Variants in KPNA3 observed in about 807,000 individuals in gnomAD.
KPNA3 encodes karyopherin subunit alpha 3.
Under a neutral mutation model 73.8 loss-of-function variants are expected in KPNA3, and 13 were observed. The ratio of observed to expected loss-of-function variants is 0.18; its 90% CI spans 0.11 to 0.28. The LOEUF is 0.28. Among genes scored for constraint, KPNA3 ranks in the 10% least tolerant of loss-of-function variants. The probability of loss-of-function intolerance (pLI) is 1.00; values close to 1 mark genes in which losing one functional copy is unlikely to be tolerated. For missense variants in KPNA3, 360 were observed against 618.1 expected (o/e 0.58, Z 4.43); for synonymous variants, 186 against 206.9 (o/e 0.90, Z 0.87).
chr13:49,719,565 A>C (rs78139513), intron 10 of KPNA3, among the ~76,000 whole-genome samples: 1,841 of 152,296 alleles, frequency 0.012, 33 homozygotes, highest in African/African-American at 0.042. Flanking sequence ...ATATGCAGTA[A>C]TTTCTCAAAA....
intron 1 of KPNA3, among the ~76,000 whole-genome samples, chr13:49,791,714 CG>C (rs3215726): frequency 0.12 from 18,261 of 152,214 alleles, 2,175 homozygotes; most frequent in East Asian, 0.58. Flanking sequence ...ACCTCTTTTC[CG>C]AAGCCTGAAC....
intron 1 of KPNA3, among the ~76,000 whole-genome samples, chr13:49,747,348 A>C (rs1298417457): frequency 6.6e-6 from 1 of 152,036 alleles, no homozygotes; most frequent in Non-Finnish European, 1.5e-5. Context: ...CTGCATCTCA[A>C]AAAAAAGAAG....
intron 15 of KPNA3, among the ~76,000 whole-genome samples, chr13:49,702,705 G>A (rs933358517): frequency 2.6e-5 from 4 of 151,998 alleles, no homozygotes; most frequent in South Asian, 2.1e-4. Context: ...TGAGGTACCC[G>A]GATCCCTGAG....
At chr13:49,710,808 T>G (rs374337536) in intron 11 of KPNA3, 83 bp downstream of exon 11, 39 of 1,214,176 alleles carry the variant, frequency 3.2e-5, no homozygotes, top group African/African-American at 7.6e-5. Flanking sequence ...CACTTACAGA[T>G]AGAATTAAAG....
intron 1 of KPNA3, among the ~76,000 whole-genome samples, chr13:49,770,849 A>G (rs996080052): frequency 1.4e-4 from 21 of 148,034 alleles, no homozygotes; most frequent in Non-Finnish European, 1.6e-4. Context: ...AAAAAAAAAA[A>G]AAAGAAAAGA....
chr13:49,722,135 GA>G lies in KPNA3; in HGVS notation c.557-12del. ...ATTGAGGACCATCACCTACAGAAATGAAAATTATATTTAAAAAAAACTTACA... is the reference window on the plus strand; with the variant it reads ...ATTGAGGACCATCACCTACAGAAATGAAATTATATTTAAAAAAAACTTACA... On this transcript the variant is annotated splice_polypyrimidine_tract_variant and intron_variant, in intron 8 of 16. Coordinates refer to ENST00000261667, the MANE Select transcript of KPNA3 (RefSeq NM_002267.4). 1 of 1,501,342 alleles carries G rather than the reference GA, an allele frequency of 6.7e-7. No homozygotes were observed. Among genetic ancestry groups the G allele is most frequent in the South Asian group, 1.4e-5 (1 of 71,054 alleles). The allele number at this position is 1,501,342 out of a possible 1,614,324, so 93.0% of individuals were successfully genotyped here.
At chr13:49,725,013 C>T (rs942412236) in intron 7 of KPNA3, among the ~76,000 whole-genome samples, 1 of 152,186 alleles carries the variant, frequency 6.6e-6, no homozygotes, top group African/African-American at 2.4e-5. Flanking sequence ...ACTATAATAA[C>T]GTACGTGGTG....
At chr13:49,783,167 A>G (rs1240711140) in intron 1 of KPNA3, among the ~76,000 whole-genome samples, 3 of 152,156 alleles carry the variant, frequency 2.0e-5, no homozygotes, top group Non-Finnish European at 4.4e-5. Flanking sequence ...AACCAAGAAA[A>G]CAACTAAATT....
chr13:49,727,112 C>A (rs1312290462), intron 6 of KPNA3, among the ~76,000 whole-genome samples: 5 of 151,832 alleles, frequency 3.3e-5, no homozygotes, highest in Admixed American at 2.0e-4. Context: ...TGAAGAAAAG[C>A]CTATAAACAG....
At chr13:49,770,977 G>C (rs928912509) in intron 1 of KPNA3, among the ~76,000 whole-genome samples, 4 of 151,724 alleles carry the variant, frequency 2.6e-5, no homozygotes, top group African/African-American at 7.3e-5. Context: ...AATTACTATA[G>C]GTTTGCTTGT....
chr13:49,730,275 G>A (rs558450135), intron 6 of KPNA3, among the ~76,000 whole-genome samples: 1 of 152,244 alleles, frequency 6.6e-6, no homozygotes, highest in South Asian at 2.1e-4. Context: ...GCTCATGCCT[G>A]TAATGTCTGC....
chr13:49,725,528 T>G (rs1241295028), intron 6 of KPNA3, 27 bp from the exon 7 acceptor site: 2 of 1,394,318 alleles, frequency 1.4e-6, no homozygotes, highest in Admixed American at 1.7e-5. Context: ...ACACATCTTT[T>G]TAGACACATA....
rs183771270 is a variant in KPNA3 at position 49,779,553 on chromosome 13, A to G, written c.69+12885T>C. 1.5e-3 allele frequency among the ~76,000 whole-genome samples: 231 copies of G among 152,258 alleles called. 1 individual carries two copies. Among genetic ancestry groups the G allele is most frequent in the African/African-American group, 5.1e-3 (212 of 41,536 alleles). ...CTCCCTACTTACTCTATCTAGGCTC[A>G]GTCGTTTGTTCCTTTTCTAACCAAG... On this transcript the variant is annotated intron_variant, in intron 1 of 16. Coordinates refer to ENST00000261667, the MANE Select transcript of KPNA3 (RefSeq NM_002267.4).
intron 9 of KPNA3, among the ~76,000 whole-genome samples, chr13:49,720,202 A>C (rs1269902798): frequency 6.6e-6 from 1 of 152,222 alleles, no homozygotes; most frequent in African/African-American, 2.4e-5. Context: ...AACTGCCGTA[A>C]TTGTCTCACT....
intron 2 of KPNA3, among the ~76,000 whole-genome samples, chr13:49,744,739 C>T (rs1478957931): frequency 2.0e-5 from 3 of 152,186 alleles, no homozygotes; most frequent in East Asian, 3.9e-4. Context: ...TAAATATATA[C>T]TACAACTCTT....
chr13:49,708,572 T>C (rs1438152073), intron 12 of KPNA3, among the ~76,000 whole-genome samples: 1 of 152,196 alleles, frequency 6.6e-6, no homozygotes, highest in Non-Finnish European at 1.5e-5. Flanking sequence ...GGTATTTGTA[T>C]GCCAATGTTC....
rs756881293 is a variant in KPNA3 at position 49,722,593 on chromosome 13, T to TAG, written c.470-32_470-31dup. ...AATAAAGAAAAACTAATATTTATAC[T>TAG]AGCAACATGTTGAAGAGTTTACAGA... On this transcript the variant is annotated intron_variant, in intron 7 of 16. Coordinates refer to ENST00000261667, the MANE Select transcript of KPNA3 (RefSeq NM_002267.4). The TAG allele has an allele frequency of 3.0e-6, 4 of 1,343,098 alleles. No individual in the cohort carries two copies. The Admixed American group carries it at 7.2e-5, about 24-fold the overall frequency. The allele number at this position is 1,343,098 out of a possible 1,614,324, so 83.2% of individuals were successfully genotyped here.
intron 2 of KPNA3, among the ~76,000 whole-genome samples, chr13:49,734,157 T>C (rs1429244853): frequency 1.3e-5 from 2 of 152,230 alleles, no homozygotes; most frequent in East Asian, 1.9e-4. Context: ...TGCTATAAAT[T>C]TGTCTCCTGA....
chr13:49,759,157 TAAA>T, intron 1 of KPNA3, among the ~76,000 whole-genome samples: 1 of 152,176 alleles, frequency 6.6e-6, no homozygotes, highest in Non-Finnish European at 1.5e-5. Context: ...GAAATGGAAA[TAAA>T]AACCCAAACA....
Sources: gnomAD v4.1 joint callset for allele counts (sites outside exome capture counted in the v4.1 genomes callset) on GRCh38, gnomAD v4.1.1 for gene constraint, MANE v1.5 for transcripts, NCBI Gene and HGNC (gene_info 2026-07-23, HGNC 2026-07-21) for gene names.